The following NRXN3 variants were observed in gnomAD, a reference collection of about 807,000 sequenced individuals.
NRXN3 encodes the protein neurexin 3.
A neutral mutation model predicts 137.6 loss-of-function variants in NRXN3; 32 were observed. That is an observed-to-expected ratio of 0.23 (90% CI 0.18 to 0.31). NRXN3 has a LOEUF of 0.31. Among genes scored for constraint, NRXN3 ranks in the 10% least tolerant of loss-of-function variants. NRXN3 has a pLI of 1.00. For synonymous variants in NRXN3, 798 were observed against 784.5 expected (o/e 1.02, Z -0.29); for missense variants, 1,574 against 2,062.5 (o/e 0.76, Z 4.59).
chr14:79,705,738 C>T (rs892974067), intron 19 of NRXN3, among the ~76,000 whole-genome samples: 5 of 152,104 alleles, frequency 3.3e-5, no homozygotes, highest in Admixed American at 3.3e-4. Flanking sequence ...ATTGCACCTT[C>T]CAGAAAGGAC....
At chr14:79,300,591 T>C (rs1293591003) in intron 15 of NRXN3, among the ~76,000 whole-genome samples, 5 of 152,050 alleles carry the variant, frequency 3.3e-5, no homozygotes, top group Non-Finnish European at 7.4e-5. Flanking sequence ...ATTTGGCTAA[T>C]GTTGACTGCT....
At chr14:79,834,659 A>G (rs772547452) in intron 20 of NRXN3, among the ~76,000 whole-genome samples, 3 of 152,148 alleles carry the variant, frequency 2.0e-5, no homozygotes, top group Non-Finnish European at 2.9e-5. Flanking sequence ...CTCTAAGTTA[A>G]CAGTAAATAA....
At chr14:78,966,632 T>C (rs934893587) in intron 12 of NRXN3, among the ~76,000 whole-genome samples, 2 of 152,194 alleles carry the variant, frequency 1.3e-5, no homozygotes, top group Non-Finnish European at 2.9e-5. Flanking sequence ...ACTAACAGAC[T>C]TTTTCCTATG....
At chr14:78,873,276 C>G (rs2099105673) in intron 10 of NRXN3, among the ~76,000 whole-genome samples, 1 of 151,828 alleles carries the variant, frequency 6.6e-6, no homozygotes, top group Admixed American at 6.5e-5. Flanking sequence ...GTCTTTTCAT[C>G]CAGTCTCTTT....
chr14:79,657,834 G>A (rs221449), intron 16 of NRXN3, among the ~76,000 whole-genome samples: 40,144 of 151,980 alleles, frequency 0.26, 5,655 homozygotes, highest in Middle Eastern at 0.44. Flanking sequence ...TTTATTGCAC[G>A]AAATTTGAAT....
intron 15 of NRXN3, among the ~76,000 whole-genome samples, chr14:79,400,490 TTTAC>T (rs1276008881): frequency 6.6e-6 from 1 of 152,176 alleles, no homozygotes; most frequent in Non-Finnish European, 1.5e-5. Context: ...GTTCAGAAAG[TTTAC>T]TTACTTACAT....
chr14:78,234,141 C>T (rs2065854553), intron 1 of NRXN3, among the ~76,000 whole-genome samples: 1 of 152,218 alleles, frequency 6.6e-6, no homozygotes. Context: ...CTTTCATCTT[C>T]TGCCATGATT....
At chr14:78,493,563 T>TAAAA (rs1048934593) in intron 4 of NRXN3, among the ~76,000 whole-genome samples, 16 of 132,192 alleles carry the variant, frequency 1.2e-4, no homozygotes, top group Middle Eastern at 3.8e-3. Flanking sequence ...AATAAATAAA[T>TAAAA]AAAAAGAATT....
chr14:79,721,515 G>A lies in NRXN3; in HGVS notation c.4014+23578G>A, dbSNP rs535324856. ...CTTTTGCTTCGATAGGCTCTTTCAA[G>A]ATGTAGACAAATTGGAGGTAGGCCA... On this transcript the variant is annotated intron_variant, in intron 19 of 20. Transcript: ENST00000335750. Among the ~76,000 whole-genome samples the A allele has an allele frequency of 2.6e-5, 4 of 152,262 alleles. No individual in the cohort carries two copies. The East Asian group carries it at 7.7e-4, about 29-fold the overall frequency.
intron 1 of NRXN3, among the ~76,000 whole-genome samples, chr14:78,186,787 A>G (rs893603167): frequency 1.1e-4 from 16 of 152,094 alleles, no homozygotes; most frequent in African/African-American, 3.1e-4. Flanking sequence ...AAGGGACAGG[A>G]TAGTGGTGGG....
At chr14:78,459,840 G>A (rs2094868503) in intron 4 of NRXN3, among the ~76,000 whole-genome samples, 3 of 152,160 alleles carry the variant, frequency 2.0e-5, no homozygotes, top group Admixed American at 6.6e-5. Context: ...CACCAGCTGG[G>A]TGGCCTCTAA....
chr14:79,003,809 G>A (rs1354736849), intron 15 of NRXN3, among the ~76,000 whole-genome samples: 2 of 152,162 alleles, frequency 1.3e-5, no homozygotes, highest in Non-Finnish European at 2.9e-5. Context: ...GATGGGCTCA[G>A]CTGCCGAACA....
At chr14:79,221,077 A>G (rs1568657275) in intron 15 of NRXN3, among the ~76,000 whole-genome samples, 1 of 152,196 alleles carries the variant, frequency 6.6e-6, no homozygotes, top group African/African-American at 2.4e-5. Context: ...TGCAAAGGAC[A>G]TGAACTCATC....
At chr14:79,068,867 T>G (rs1680595597) in intron 15 of NRXN3, among the ~76,000 whole-genome samples, 1 of 152,222 alleles carries the variant, frequency 6.6e-6, no homozygotes, top group Non-Finnish European at 1.5e-5. Flanking sequence ...AGTTATACTA[T>G]TCAAGCTGGT....
intron 17 of NRXN3, among the ~76,000 whole-genome samples, chr14:79,679,706 C>T (rs2098659753): frequency 6.6e-6 from 1 of 152,080 alleles, no homozygotes; most frequent in Admixed American, 6.6e-5. Context: ...GAAAAAAATA[C>T]TTTAAGGACT....
rs1176229440 is a variant in NRXN3 at position 78,913,267 on chromosome 14, TTTCTTTC to T, written c.2276-43972_2276-43966del. ...TTTCTTTTCTTTCTTTCTTTCTTTCTTTCTTTCTTTTTTTTTTTTTTTTTTTTTTTTG... is the reference window on the plus strand; with the variant it reads ...TTTCTTTTCTTTCTTTCTTTCTTTCTTTTTTTTTTTTTTTTTTTTTTTTTG... On this transcript the variant is annotated intron_variant, in intron 10 of 20. Transcript: ENST00000335750. Among the ~76,000 whole-genome samples, 715 of 99,360 alleles carry T rather than the reference TTTCTTTC, an allele frequency of 7.2e-3. 7 individuals are homozygous for T. Among genetic ancestry groups the T allele is most frequent in the Non-Finnish European group, 9.5e-3 (497 of 52,160 alleles). 65.2% of individuals were successfully genotyped at this position (99,360 alleles called of 152,430 possible).
chr14:78,645,519 G>A, intron 5 of NRXN3, 98 bp downstream of exon 5: 2 of 990,754 alleles, frequency 2.0e-6, no homozygotes, highest in East Asian at 2.7e-5. Flanking sequence ...GAGAGGGGTG[G>A]AGATTCAGGG....
intron 15 of NRXN3, among the ~76,000 whole-genome samples, chr14:79,265,160 G>A (rs1212625503): frequency 6.7e-6 from 1 of 149,192 alleles, no homozygotes; most frequent in Non-Finnish European, 1.5e-5. Context: ...TCATCTTCGT[G>A]TAACATAAAT....
At chr14:79,755,114 GA>G (rs948828650) in intron 19 of NRXN3, among the ~76,000 whole-genome samples, 8 of 151,952 alleles carry the variant, frequency 5.3e-5, no homozygotes, top group African/African-American at 1.7e-4. Context: ...TTCAGAAGCA[GA>G]AAAAAACTTT....
Sources: gnomAD v4.1 joint callset for allele counts (sites outside exome capture counted in the v4.1 genomes callset) on GRCh38, gnomAD v4.1.1 for gene constraint, MANE v1.5 for transcripts, NCBI Gene and HGNC (gene_info 2026-07-23, HGNC 2026-07-21) for gene names.